The following LURAP1L variants were observed in gnomAD, a reference collection of about 807,000 sequenced individuals.
The protein encoded by LURAP1L is leucine rich adaptor protein 1 like.
LURAP1L carries 12 observed loss-of-function variants against 13.8 expected under a neutral mutation model. The observed-to-expected ratio is 0.87, with a 90% CI of 0.56 to 1.41. The LOEUF (loss-of-function observed/expected upper bound fraction) is 1.41, where lower values mean the gene tolerates loss of function less well. Ranked by LOEUF, LURAP1L falls within the 40% of genes most tolerant of loss-of-function variation. The pLI is 0.00. For synonymous variants in LURAP1L, 139 were observed against 119.2 expected (o/e 1.17, Z -1.08); for missense variants, 375 against 292.9 (o/e 1.28, Z -2.04).
At chr9:12,792,778 C>T (rs968415308) in intron 1 of LURAP1L, among the ~76,000 whole-genome samples, 2 of 151,874 alleles carry the variant, frequency 1.3e-5, no homozygotes, top group Admixed American at 6.6e-5. Flanking sequence ...GGCTATGATT[C>T]GTGTTTTTCA....
chr9:12,803,993 G>A (rs1306124700), intron 1 of LURAP1L, among the ~76,000 whole-genome samples: 1 of 152,110 alleles, frequency 6.6e-6, no homozygotes, highest in Non-Finnish European at 1.5e-5. Flanking sequence ...TAAAAATAAA[G>A]AGCAAATCTA....
chr9:12,806,091 A>G (rs1021989133), intron 1 of LURAP1L, among the ~76,000 whole-genome samples: 33 of 152,324 alleles, frequency 2.2e-4, no homozygotes, highest in Non-Finnish European at 4.4e-4. Flanking sequence ...TGAACACACT[A>G]TGCACCTTTA....
At chr9:12,786,654 T>G (rs1352961144) in intron 1 of LURAP1L, among the ~76,000 whole-genome samples, 2 of 145,638 alleles carry the variant, frequency 1.4e-5, no homozygotes, top group Admixed American at 1.4e-4. Flanking sequence ...CTTCTTAAAT[T>G]TGCTCATCTG....
rs564593445 is a variant in LURAP1L at position 12,802,654 on chromosome 9, A to G, written c.313-18732A>G. 3.9e-5 allele frequency among the ~76,000 whole-genome samples: 6 copies of G among 152,228 alleles called. No individual in the cohort carries two copies. In the South Asian group the frequency reaches 6.2e-4, roughly 16 times the overall value. ...TTTATAGCAACATGAGAGCAGACTA[A>G]TGCACTCAGTAACCTGCAGCACAGA... is the stretch of plus-strand genomic sequence containing the variant. On this transcript the variant is annotated intron_variant, in intron 1 of 1. Transcript: ENST00000319264.
rs1735109660 is a variant in LURAP1L, at chr9:12,821,958, A to G, written c.*198A>G. 7 of 505,234 alleles carry G rather than the reference A, an allele frequency of 1.4e-5. No homozygotes were observed. The South Asian group carries it at 1.4e-4, about 10-fold the overall frequency. 31.3% of individuals were successfully genotyped at this position (505,234 alleles called of 1,614,324 possible). A position where few individuals can be genotyped will look rare whatever the true frequency, so the allele number is the denominator to read the frequency against. The stretch of plus-strand genomic sequence containing the variant: ...ATTTATTTTTCTCTGTTACATCTCT[A>G]TTTTTTATTTATTACAATGATTTTC... On this transcript the variant is annotated 3_prime_UTR_variant, in exon 2 of 2. Transcript: ENST00000319264.
At chr9:12,777,087 C>G (rs1468923792) in intron 1 of LURAP1L, 1 of 322,770 alleles carries the variant, frequency 3.1e-6, no homozygotes, top group South Asian at 1.2e-4. Flanking sequence ...TGATTTGCTT[C>G]AAAGTAGGCT....
chr9:12,784,004 G>A (rs1056656276), intron 1 of LURAP1L, among the ~76,000 whole-genome samples: 3 of 151,784 alleles, frequency 2.0e-5, no homozygotes, highest in Non-Finnish European at 2.9e-5. Context: ...CAATTGTTTA[G>A]CTCCAGAATT....
chr9:12,802,067 C>T lies in LURAP1L; in HGVS notation c.313-19319C>T, dbSNP rs183020589. Among the ~76,000 whole-genome samples the T allele has an allele frequency of 1.4e-3, 209 of 152,208 alleles. 1 individual carries two copies. Among genetic ancestry groups the T allele is most frequent in the African/African-American group, 4.9e-3 (202 of 41,540 alleles). Reference sequence around the variant, plus strand: ...AGCCTCCATTCCAGAAGGAGATATACATAATAAAGTTGGCCTGGTGTCAGT... The same window carrying T: ...AGCCTCCATTCCAGAAGGAGATATATATAATAAAGTTGGCCTGGTGTCAGT... On this transcript the variant is annotated intron_variant, in intron 1 of 1. Transcript: ENST00000319264.
intron 1 of LURAP1L, among the ~76,000 whole-genome samples, chr9:12,815,437 G>A (rs1167278165): frequency 1.3e-5 from 2 of 152,128 alleles, no homozygotes. Flanking sequence ...CAGAGAGAAC[G>A]ATGATTAGTT....
intron 1 of LURAP1L, among the ~76,000 whole-genome samples, chr9:12,783,983 G>A (rs1290026023): frequency 2.6e-5 from 4 of 152,012 alleles, no homozygotes; most frequent in Non-Finnish European, 5.9e-5. Flanking sequence ...GCATTCTTCA[G>A]TATGTCAATT....
chr9:12,797,597 C>T (rs2118504671), intron 1 of LURAP1L, among the ~76,000 whole-genome samples: 1 of 152,144 alleles, frequency 6.6e-6, no homozygotes, highest in East Asian at 1.9e-4. Context: ...ATAGTTTGAG[C>T]AAAAGTTTGA....
At chr9:12,797,476 C>A (rs941234631) in intron 1 of LURAP1L, among the ~76,000 whole-genome samples, 3 of 151,914 alleles carry the variant, frequency 2.0e-5, no homozygotes, top group African/African-American at 7.2e-5. Flanking sequence ...AAAAACAGAC[C>A]TTTTTACAAC....
rs1819519691 is a variant in LURAP1L at position 12,797,001 on chromosome 9, T to C, written c.312+20974T>C. Among the ~76,000 whole-genome samples, 2 of 152,046 alleles carry C rather than the reference T, an allele frequency of 1.3e-5. 1 individual carries two copies. Among genetic ancestry groups the C allele is most frequent in the South Asian group, 4.1e-4 (2 of 4,828 alleles). ...CTTGTGCTTTATTAAAGGCTAGAAGTTATTGTTTATGCTATTATTATCACT... is the reference window on the plus strand; with the variant it reads ...CTTGTGCTTTATTAAAGGCTAGAAGCTATTGTTTATGCTATTATTATCACT... On this transcript the variant is annotated intron_variant, in intron 1 of 1. Transcript: ENST00000319264.
At chr9:12,821,309 G>T in intron 1 of LURAP1L, 77 bp from the exon 2 acceptor site, 1 of 1,471,968 alleles carries the variant, frequency 6.8e-7, no homozygotes, top group South Asian at 1.3e-5. Flanking sequence ...AACTGCAGCA[G>T]ACAGTCCCCA....
Position 12,822,807 on chromosome 9 carries a change from C to G in LURAP1L, c.*1047C>G, listed in dbSNP as rs1819899438. Among the ~76,000 whole-genome samples, 1 of 152,024 alleles carries G rather than the reference C, an allele frequency of 6.6e-6. No homozygotes were observed. Among genetic ancestry groups the G allele is most frequent in the Non-Finnish European group, 1.5e-5 (1 of 68,000 alleles). On this transcript the variant is annotated 3_prime_UTR_variant, in exon 2 of 2. Transcript: ENST00000319264. ...TACTTTAAATATAATGTTATTAATC[C>G]TCTGCATTTCTTTTATCTTGATAAC... is the stretch of plus-strand genomic sequence containing the variant.
chr9:12,813,573 G>GTGAT (rs1320320401), intron 1 of LURAP1L, among the ~76,000 whole-genome samples: 5 of 152,128 alleles, frequency 3.3e-5, no homozygotes, highest in Non-Finnish European at 7.4e-5. Flanking sequence ...CTAGACTTAA[G>GTGAT]TGATAGAGAA....
At chr9:12,806,680 T>C (rs1405445740) in intron 1 of LURAP1L, among the ~76,000 whole-genome samples, 1 of 152,160 alleles carries the variant, frequency 6.6e-6, no homozygotes, top group African/African-American at 2.4e-5. Context: ...TTGAAAATTT[T>C]GAAAATTTTT....
intron 1 of LURAP1L, among the ~76,000 whole-genome samples, chr9:12,800,771 C>T (rs1454463039): frequency 6.6e-6 from 1 of 152,156 alleles, no homozygotes; most frequent in Non-Finnish European, 1.5e-5. Flanking sequence ...CAGATGCCAG[C>T]ATCATGCTTC....
rs1819892289 is a variant in LURAP1L at position 12,822,311 on chromosome 9, A to G, written c.*551A>G. ...GTTAGTCACACACGCCCACATGACA[A>G]TCATCTGAAAGTCCCCAACTATACA... On this transcript the variant is annotated 3_prime_UTR_variant, in exon 2 of 2. Coordinates refer to ENST00000319264, the MANE Select transcript of LURAP1L (RefSeq NM_203403.2). Among the ~76,000 whole-genome samples the G allele has an allele frequency of 6.6e-6, 1 of 152,188 alleles. No individual in the cohort carries two copies. The highest frequency in any genetic ancestry group is 1.5e-5 in the Non-Finnish European group (1 of 68,034).
Sources: allele counts gnomAD v4.1 joint callset (sites outside exome capture counted in the v4.1 genomes callset), GRCh38; gene constraint gnomAD v4.1.1; transcripts MANE v1.5; gene names NCBI Gene and HGNC (gene_info 2026-07-23, HGNC 2026-07-21).